Variants in TACC1 observed in about 807,000 individuals in gnomAD.
The protein encoded by TACC1 is transforming acidic coiled-coil containing protein 1.
Under a neutral mutation model 84.4 loss-of-function variants are expected in TACC1, and 48 were observed. The ratio of observed to expected loss-of-function variants is 0.57; its 90% CI spans 0.45 to 0.72. The LOEUF (loss-of-function observed/expected upper bound fraction) is 0.72, where lower values mean the gene tolerates loss of function less well. Among genes scored for constraint, TACC1 ranks in the 30% least tolerant of loss-of-function variants. The pLI is 0.00. For synonymous variants in TACC1, 372 were observed against 376.3 expected, an observed-to-expected ratio of 0.99 and a Z score of 0.13; for missense variants, 920 against 973.0, an observed-to-expected ratio of 0.95 and a Z score of 0.72.
chr8:38,781,915 T>C (rs1400979688), intron 3 of TACC1, among the ~76,000 whole-genome samples: 2 of 151,642 alleles, frequency 1.3e-5, no homozygotes, highest in Non-Finnish European at 2.9e-5. Flanking sequence ...TGGACAGCCC[T>C]CTTTTTTATT....
chr8:38,834,571 T>A (rs1437972892), intron 6 of TACC1, among the ~76,000 whole-genome samples: 1 of 152,172 alleles, frequency 6.6e-6, no homozygotes, highest in Non-Finnish European at 1.5e-5. Flanking sequence ...TACCTTGGAC[T>A]TCTGTTGGCA....
At chr8:38,846,891 T>A (rs1372160214) in intron 12 of TACC1, 72 bp downstream of exon 12, 2 of 1,572,194 alleles carry the variant, frequency 1.3e-6, no homozygotes, top group Non-Finnish European at 1.7e-6. Flanking sequence ...ACTCACTTAA[T>A]GACAGATCTG....
chr8:38,757,854 G>A (rs1200086342), intron 3 of TACC1, among the ~76,000 whole-genome samples: 1 of 152,194 alleles, frequency 6.6e-6, no homozygotes, highest in African/African-American at 2.4e-5. Flanking sequence ...AGTGCTTGCT[G>A]CTTGCAAGAA....
At chr8:38,770,460 A>T (rs760387105) in intron 3 of TACC1, among the ~76,000 whole-genome samples, 140 of 151,948 alleles carry the variant, frequency 9.2e-4, no homozygotes, top group Non-Finnish European at 1.7e-3. Context: ...TTGGGAGCTG[A>T]ATCATGTTCT....
intron 1 of TACC1, among the ~76,000 whole-genome samples, chr8:38,739,765 T>A (rs534996952): frequency 1.3e-5 from 2 of 152,342 alleles, no homozygotes; most frequent in East Asian, 3.9e-4. Context: ...CCCCTGTGGT[T>A]CACCTATTAA....
intron 3 of TACC1, among the ~76,000 whole-genome samples, chr8:38,777,649 G>A (rs1412708244): frequency 3.9e-5 from 6 of 151,968 alleles, no homozygotes; most frequent in African/African-American, 1.4e-4. Flanking sequence ...AAAAACATTA[G>A]CTGGACATGG....
At chr8:38,791,546 G>A (rs1342876769) in intron 2 of TACC1, among the ~76,000 whole-genome samples, 2 of 152,208 alleles carry the variant, frequency 1.3e-5, no homozygotes, top group Non-Finnish European at 2.9e-5. Context: ...GACAGCCAGA[G>A]CACAGGTCTG....
At chr8:38,775,169 C>A (rs1814579329) in intron 3 of TACC1, among the ~76,000 whole-genome samples, 1 of 152,138 alleles carries the variant, frequency 6.6e-6, no homozygotes, top group African/African-American at 2.4e-5. Context: ...GTGGGCATAT[C>A]TTTTGGGGCT....
intron 3 of TACC1, among the ~76,000 whole-genome samples, chr8:38,780,456 G>A (rs762022830): frequency 5.9e-5 from 9 of 151,942 alleles, no homozygotes; most frequent in Non-Finnish European, 8.8e-5. Context: ...TCCGCCTCCC[G>A]GGTTCAAGCC....
intron 5 of TACC1, chr8:38,827,662 G>A: frequency 2.5e-6 from 1 of 406,976 alleles, no homozygotes; most frequent in Non-Finnish European, 4.5e-6. Flanking sequence ...ATATCTTAAA[G>A]TATAGTGGTG....
At chr8:38,817,507 C>T (rs551019269) in intron 2 of TACC1, among the ~76,000 whole-genome samples, 3 of 152,204 alleles carry the variant, frequency 2.0e-5, no homozygotes, top group African/African-American at 7.2e-5. Context: ...ATGAAAACTC[C>T]CATATACCTA....
chr8:38,823,368 G>A (rs1233134904), intron 3 of TACC1, among the ~76,000 whole-genome samples: 2 of 152,162 alleles, frequency 1.3e-5, no homozygotes, highest in Admixed American at 6.5e-5. Flanking sequence ...AGCACTTAGG[G>A]TATGTACTGG....
upstream of TACC1, among the ~76,000 whole-genome samples, chr8:38,782,369 CAT>C (rs1816191472): frequency 6.6e-6 from 1 of 152,062 alleles, no homozygotes; most frequent in South Asian, 2.1e-4. Context: ...TTTATGGCTG[CAT>C]AGTATTCCAT....
At chr8:38,780,632 T>G (rs545343752) in intron 3 of TACC1, among the ~76,000 whole-genome samples, 100 of 88,844 alleles carry the variant, frequency 1.1e-3, no homozygotes, top group African/African-American at 3.7e-3. Flanking sequence ...TTTTTTTTTG[T>G]TTTTTTTTTA....
intron 3 of TACC1, among the ~76,000 whole-genome samples, chr8:38,772,065 G>A (rs1347901125): frequency 2.0e-5 from 3 of 151,892 alleles, no homozygotes; most frequent in African/African-American, 7.3e-5. Context: ...AAGGAAGGAA[G>A]GCAGGCAAGC....
At position 38,797,270 on chromosome 8, in the gene TACC1, G is replaced by C. The variant is rs114344347; in HGVS notation, c.277+8451G>C. Among the ~76,000 whole-genome samples the C allele has an allele frequency of 8.9e-3, 1,362 of 152,350 alleles. 26 individuals are homozygous for C. The highest frequency in any genetic ancestry group is 0.031 in the African/African-American group (1,273 of 41,580). ...TTTGGTTACACAGGTCAGTCCAAGG[G>C]CATGTGTACCAGGAGGTGAGACATA... is the stretch of plus-strand genomic sequence containing the variant. On this transcript the variant is annotated intron_variant, in intron 2 of 12. Coordinates refer to ENST00000317827, the MANE Select transcript of TACC1 (RefSeq NM_006283.3).
chr8:38,819,402 G>T, intron 2 of TACC1, 120 bp from the exon 3 acceptor site: 1 of 1,160,944 alleles, frequency 8.6e-7, no homozygotes, highest in Non-Finnish European at 1.2e-6. Context: ...GAACTTTAGA[G>T]ATGCTTAATA....
chr8:38,836,070 G>A, intron 6 of TACC1, 92 bp from the exon 7 acceptor site: 1 of 1,529,948 alleles, frequency 6.5e-7, no homozygotes, highest in Non-Finnish European at 8.9e-7. Flanking sequence ...TTTAAAGGAT[G>A]TGATCAATTT....
chr8:38,733,514 GT>G (rs1805374217), intron 1 of TACC1, among the ~76,000 whole-genome samples: 1 of 152,136 alleles, frequency 6.6e-6, no homozygotes, highest in African/African-American at 2.4e-5. Context: ...CTGTTCCCTG[GT>G]GGGAAAGGCA....
Sources: allele counts gnomAD v4.1 joint callset (sites outside exome capture counted in the v4.1 genomes callset), GRCh38; gene constraint gnomAD v4.1.1; transcripts MANE v1.5; gene names NCBI Gene and HGNC (gene_info 2026-07-23, HGNC 2026-07-21).